Variants in SCN11A observed in about 807,000 individuals in gnomAD.
SCN11A encodes sodium channel protein type 11 subunit alpha.
Under a neutral mutation model 162.2 loss-of-function variants are expected in SCN11A, and 122 were observed. The ratio of observed to expected loss-of-function variants is 0.75; its 90% CI spans 0.65 to 0.87. SCN11A has a LOEUF of 0.87. Among genes scored for constraint, SCN11A ranks in the 40% least tolerant of loss-of-function variants. The pLI, the probability that SCN11A is intolerant of heterozygous loss-of-function variation, is 0.00. For synonymous variants in SCN11A, 758 were observed against 751.5 expected (o/e 1.01, Z -0.14); for missense variants, 2,015 against 2,181.6 (o/e 0.92, Z 1.52).
intron 2 of SCN11A, among the ~76,000 whole-genome samples, chr3:38,985,123 GCTGT>G (rs201780522): frequency 0.034 from 4,995 of 148,640 alleles, 325 homozygotes; most frequent in East Asian, 0.17. Context: ...TTTCTGGCTG[GCTGT>G]CTTTTTTTTT....
chr3:39,030,954 G>T (rs576810538), intron 2 of SCN11A, among the ~76,000 whole-genome samples: 1 of 152,128 alleles, frequency 6.6e-6, no homozygotes, highest in African/African-American at 2.4e-5. Flanking sequence ...TGTCATATTC[G>T]CCAGTTAGTT....
At chr3:39,038,688 G>A (rs79815324) in intron 1 of SCN11A, among the ~76,000 whole-genome samples, 5,317 of 152,230 alleles carry the variant, frequency 0.035, 193 homozygotes, top group East Asian at 0.16. Flanking sequence ...AAGTCTAGTT[G>A]GTGGCCATTC....
rs1553636956 is a variant in SCN11A at position 38,894,794 on chromosome 3, G to T, written c.2574C>A (p.Cys858Ter). ...TTTGCTGTGGTAAGTTTTGCTTCCT[G>T]CACCACTTGTGACAGAAATGCTCAA... ...HTLEHFCHKWCRKQNLPQQKE... is the reference protein window; with the variant it reads ...HTLEHFCHKW Residue 858 changes from cysteine to a stop codon, truncating the protein, a stop_gained, in exon 19 of 30, where the codon TGC (cysteine) becomes TGA (stop). Coordinates refer to ENST00000302328, the MANE Select transcript of SCN11A (RefSeq NM_001349253.2). LOFTEE classifies it high-confidence loss of function. 6.2e-7 allele frequency: 1 copy of T among 1,614,130 alleles called. No individual in the cohort carries two copies. The highest frequency in any genetic ancestry group is 8.5e-7 in the Non-Finnish European group (1 of 1,180,024).
At chr3:38,872,323 T>A (rs774126789) in intron 23 of SCN11A, 29 bp from the exon 24 acceptor site, 8 of 1,224,184 alleles carry the variant, frequency 6.5e-6, no homozygotes, top group Non-Finnish European at 9.7e-6. Flanking sequence ...ACAGATAATG[T>A]ACCTGACTTG....
chr3:38,867,279 A>G, intron 27 of SCN11A, 42 bp downstream of exon 27: 2 of 1,576,282 alleles, frequency 1.3e-6, no homozygotes, highest in South Asian at 1.1e-5. Flanking sequence ...CATTTGGAGG[A>G]CAGAGATAAA....
chr3:38,910,406 T>C (rs2065870880), intron 11 of SCN11A, among the ~76,000 whole-genome samples, 199 bp from the exon 12 acceptor site: 1 of 152,214 alleles, frequency 6.6e-6, no homozygotes, highest in Non-Finnish European at 1.5e-5. Context: ...TCATATAAGA[T>C]AGTTTTTCAT....
intron 2 of SCN11A, among the ~76,000 whole-genome samples, chr3:38,972,089 GA>G: frequency 6.6e-6 from 1 of 152,166 alleles, no homozygotes; most frequent in Non-Finnish European, 1.5e-5. Flanking sequence ...ATGGTGAACT[GA>G]ATATGATAAA....
At chr3:38,885,448 T>A in intron 20 of SCN11A, 46 bp from the exon 21 acceptor site, 1 of 1,000,564 alleles carries the variant, frequency 1.0e-6, no homozygotes, top group Non-Finnish European at 1.6e-6. Context: ...ACTAAGACCT[T>A]CTTTCACCAT....
chr3:38,973,659 C>G (rs2066830876), intron 2 of SCN11A, among the ~76,000 whole-genome samples: 1 of 152,038 alleles, frequency 6.6e-6, no homozygotes, highest in Non-Finnish European at 1.5e-5. Flanking sequence ...TTTAAGCACT[C>G]TAAAGATAAA....
In SCN11A at chr3:38,946,805, T is replaced by C; in HGVS notation, c.370A>G (p.Arg124Gly). 1.2e-6 allele frequency: 2 copies of C among 1,610,340 alleles called. No homozygotes were observed. The highest frequency in any genetic ancestry group is 2.2e-5 in the East Asian group (1 of 44,864). ...AAAGGATATGAATGGACTGAGACTC[T>C]AATGGCTAAACTTCTGATTGAATTG... ...PFNSIRSLAI[R>G]VSVHSLFSMF... The change falls in exon 6 of 30, where the codon AGA becomes GGA. Residue 124 changes from arginine (R) to glycine (G), a missense_variant. Physicochemically the swap from Arg to Gly is moderately radical, Grantham distance 125 (BLOSUM62 -2). Transcript: ENST00000302328.
chr3:38,848,861 C>T (rs1266708207), intron 29 of SCN11A, among the ~76,000 whole-genome samples: 1 of 152,172 alleles, frequency 6.6e-6, no homozygotes, highest in Non-Finnish European at 1.5e-5. Flanking sequence ...TTTCAACTCA[C>T]ACTCATTTTG....
chr3:38,867,684 T>C (rs1021320559), intron 26 of SCN11A, among the ~76,000 whole-genome samples: 1 of 152,098 alleles, frequency 6.6e-6, no homozygotes. Flanking sequence ...AATCGGGCTT[T>C]TTATTCTAAG....
intron 28 of SCN11A, among the ~76,000 whole-genome samples, chr3:38,851,057 C>T (rs1007385271): frequency 1.3e-5 from 2 of 152,120 alleles, no homozygotes; most frequent in African/African-American, 4.8e-5. Context: ...TGATGATGTG[C>T]TTTGCTGAAA....
intron 19 of SCN11A, 108 bp from the exon 20 acceptor site, chr3:38,886,346 T>C: frequency 1.7e-6 from 1 of 599,664 alleles, no homozygotes; most frequent in Admixed American, 3.0e-5. Flanking sequence ...AGAATAAGCC[T>C]TTGACATTAT....
Position 38,850,687 on chromosome 3 carries a change from C to A in SCN11A, c.4121G>T (p.Ser1374Ile). ...TSQIFDIIII[S>I]LIILNMISMM... ...GCTAATCATGTTTAGGATAATGAGA[C>A]TTATGATGATGATGTCAAAGATCTG... Residue 1374 changes from serine to isoleucine, a missense_variant, in exon 29 of 30, where the codon AGT (serine) becomes ATT (isoleucine). Transcript: ENST00000302328. 6.2e-7 allele frequency: 1 copy of A among 1,613,278 alleles called. No homozygotes were observed. Among genetic ancestry groups the A allele is most frequent in the Non-Finnish European group, 8.5e-7 (1 of 1,179,400 alleles).
In SCN11A at chr3:38,894,573, T is replaced by A. The variant is rs776235253; in HGVS notation, c.2795A>T (p.Asp932Val). Residue 932 changes from aspartate to valine, a missense_variant, in exon 19 of 30, where the codon GAT (aspartate) becomes GTT (valine). By Grantham distance (152) the Asp-to-Val change is radical (BLOSUM62 -3). Transcript: ENST00000302328. ...EEDDVEFSGE[D>V]NAQRITQPEP... ...AGGTTGTGTGATGCGCTGTGCATTA[T>A]CTTCACCAGAAAATTCAACGTCATC... is the stretch of plus-strand genomic sequence containing the variant. 4 of 1,613,676 alleles carry A rather than the reference T, an allele frequency of 2.5e-6. No individual in the cohort carries two copies. The highest frequency in any genetic ancestry group is 3.4e-6 in the Non-Finnish European group (4 of 1,179,778).
At chr3:38,899,496 G>A (rs4676586) in intron 17 of SCN11A, among the ~76,000 whole-genome samples, 99,599 of 151,804 alleles carry the variant, frequency 0.66, 33,201 homozygotes, top group South Asian at 0.72. Context: ...TATAGTCTTT[G>A]CCCCCCTTGG....
chr3:39,032,511 C>A lies in SCN11A; in HGVS notation c.-403-8G>T, dbSNP rs1274345438. ...GCGAAGCACTGGGACAATCTGAAAA[C>A]AACAACAACAACAAAAAAAACAAGC... On this transcript the variant is annotated splice_polypyrimidine_tract_variant and splice_region_variant and intron_variant, in intron 1 of 29. Transcript: ENST00000302328. Among the ~76,000 whole-genome samples the A allele has an allele frequency of 6.7e-6, 1 of 149,438 alleles. No individual in the cohort carries two copies. The highest frequency in any genetic ancestry group is 2.4e-5 in the African/African-American group (1 of 41,190).
At chr3:38,964,626 G>A (rs2066770154) in intron 2 of SCN11A, among the ~76,000 whole-genome samples, 1 of 152,214 alleles carries the variant, frequency 6.6e-6, no homozygotes, top group African/African-American at 2.4e-5. Context: ...AACTCAACAG[G>A]TGGAGAAAGT....
Sources: allele counts gnomAD v4.1 joint callset (sites outside exome capture counted in the v4.1 genomes callset), GRCh38; gene constraint gnomAD v4.1.1; transcripts MANE v1.5; gene names NCBI Gene and HGNC (gene_info 2026-07-23, HGNC 2026-07-21).